Variants in FAM107B observed in about 807,000 individuals in gnomAD.
FAM107B encodes the protein protein FAM107B.
Under a neutral mutation model 31.5 loss-of-function variants are expected in FAM107B, and 21 were observed. The ratio of observed to expected loss-of-function variants is 0.67; its 90% CI spans 0.47 to 0.96. The LOEUF (loss-of-function observed/expected upper bound fraction) is 0.96, where lower values mean the gene tolerates loss of function less well. FAM107B is among the 40% of genes least tolerant of loss of function. FAM107B has a pLI of 0.00. For synonymous variants in FAM107B, 157 were observed against 141.5 expected, an observed-to-expected ratio of 1.11 and a Z score of -0.78; for missense variants, 452 against 377.1, an observed-to-expected ratio of 1.20 and a Z score of -1.64.
At chr10:14,542,178 G>A (rs143579070) in intron 2 of FAM107B, among the ~76,000 whole-genome samples, 401 of 151,012 alleles carry the variant, frequency 2.7e-3, no homozygotes, top group African/African-American at 9.0e-3. Flanking sequence ...GCTGAGGCAC[G>A]AGAATCGCTT....
At chr10:14,651,448 A>G (rs1240930151) in intron 2 of FAM107B, among the ~76,000 whole-genome samples, 2 of 152,162 alleles carry the variant, frequency 1.3e-5, no homozygotes, top group South Asian at 2.1e-4. Context: ...ACTACTAAAA[A>G]TACAAAATGA....
intron 2 of FAM107B, among the ~76,000 whole-genome samples, chr10:14,586,769 C>T (rs1015533147): frequency 6.6e-6 from 1 of 152,166 alleles, no homozygotes; most frequent in Non-Finnish European, 1.5e-5. Flanking sequence ...GACAGCCATA[C>T]CTTTGAGCCC....
chr10:14,585,847 T>C (rs1409390), intron 2 of FAM107B, among the ~76,000 whole-genome samples: 23,502 of 152,096 alleles, frequency 0.15, 2,151 homozygotes, highest in East Asian at 0.26. Flanking sequence ...ACCATATTAA[T>C]TGTCGACCAC....
intron 1 of FAM107B, among the ~76,000 whole-genome samples, chr10:14,772,362 A>AAAAATATATATAT (rs10651238): frequency 3.4e-5 from 5 of 145,640 alleles, no homozygotes; most frequent in African/African-American, 1.3e-4. Context: ...TTAAAAAAAA[A>AAAAATATATATAT]ATATATATAT....
intron 2 of FAM107B, among the ~76,000 whole-genome samples, chr10:14,603,461 G>C (rs962966232): frequency 6.6e-6 from 1 of 152,172 alleles, no homozygotes; most frequent in African/African-American, 2.4e-5. Context: ...GAAGGAAGCA[G>C]GCTTGGTACC....
intron 2 of FAM107B, among the ~76,000 whole-genome samples, chr10:14,587,221 T>G (rs1851874696): frequency 1.3e-5 from 2 of 152,188 alleles, no homozygotes; most frequent in Non-Finnish European, 2.9e-5. Context: ...TTCATCGTCC[T>G]TCTAATGCGC....
At chr10:14,587,889 T>C (rs771892194) in intron 2 of FAM107B, among the ~76,000 whole-genome samples, 1 of 152,088 alleles carries the variant, frequency 6.6e-6, no homozygotes, top group Non-Finnish European at 1.5e-5. Flanking sequence ...GAGGGTTAGG[T>C]GTTCTCCACA....
intron 2 of FAM107B, among the ~76,000 whole-genome samples, chr10:14,559,070 C>T (rs1397354535): frequency 6.8e-6 from 1 of 147,072 alleles, no homozygotes; most frequent in East Asian, 2.0e-4. Flanking sequence ...TCAACCACGG[C>T]TCACACATCA....
At chr10:14,592,195 C>G (rs1357086424) in intron 2 of FAM107B, among the ~76,000 whole-genome samples, 1 of 152,180 alleles carries the variant, frequency 6.6e-6, no homozygotes, top group Non-Finnish European at 1.5e-5. Context: ...GGGCCCAGCA[C>G]AGAAACTAGG....
At chr10:14,724,189 T>A in intron 1 of FAM107B, 1 of 426,462 alleles carries the variant, frequency 2.3e-6, no homozygotes. Context: ...AGCTCTAATA[T>A]TTGTGTCTTA....
intron 1 of FAM107B, among the ~76,000 whole-genome samples, chr10:14,761,653 G>A (rs907245442): frequency 2.0e-5 from 3 of 152,000 alleles, no homozygotes; most frequent in Admixed American, 2.0e-4. Context: ...AGGCTGGAGT[G>A]CAGTGGTGCG....
At chr10:14,709,160 C>T (rs548498233) in intron 1 of FAM107B, among the ~76,000 whole-genome samples, 3 of 152,308 alleles carry the variant, frequency 2.0e-5, no homozygotes, top group South Asian at 2.1e-4. Context: ...GCTAAACATA[C>T]TCTTACCATA....
chr10:14,713,396 G>C (rs1855707103), intron 1 of FAM107B, among the ~76,000 whole-genome samples: 1 of 152,200 alleles, frequency 6.6e-6, no homozygotes, highest in South Asian at 2.1e-4. Context: ...GATTCAAGGA[G>C]AGGGAATGTC....
At chr10:14,546,138 G>C (rs186419066) in intron 2 of FAM107B, among the ~76,000 whole-genome samples, 3 of 152,358 alleles carry the variant, frequency 2.0e-5, no homozygotes. Flanking sequence ...AAGGAACACA[G>C]AGACCAGGTG....
chr10:14,773,081 T>A (rs1386268765), intron 1 of FAM107B, among the ~76,000 whole-genome samples: 1 of 152,134 alleles, frequency 6.6e-6, no homozygotes, highest in Non-Finnish European at 1.5e-5. Flanking sequence ...TGGTTTTTGC[T>A]GGTTGGTTAT....
intron 2 of FAM107B, among the ~76,000 whole-genome samples, chr10:14,551,131 G>A (rs1849223204): frequency 6.6e-6 from 1 of 152,196 alleles, no homozygotes; most frequent in African/African-American, 2.4e-5. Context: ...GCAACTCAGA[G>A]TTGAAAGAAC....
At chr10:14,570,651 A>C (rs1210757578) in intron 2 of FAM107B, among the ~76,000 whole-genome samples, 4 of 151,990 alleles carry the variant, frequency 2.6e-5, no homozygotes, top group Non-Finnish European at 5.9e-5. Context: ...AAAATACAAA[A>C]ATCAGCTGGG....
intron 2 of FAM107B, among the ~76,000 whole-genome samples, chr10:14,599,117 C>G (rs1481875150): frequency 6.6e-6 from 1 of 152,204 alleles, no homozygotes; most frequent in Admixed American, 6.5e-5. Flanking sequence ...ACCTCATGCA[C>G]CTAAACCTGC....
intron 1 of FAM107B, among the ~76,000 whole-genome samples, chr10:14,678,435 C>T (rs1317374285): frequency 1.3e-5 from 2 of 152,186 alleles, no homozygotes; most frequent in Admixed American, 6.5e-5. Flanking sequence ...TAAGTCACTA[C>T]ACATTGACCG....
Sources: gnomAD v4.1 joint callset for allele counts (sites outside exome capture counted in the v4.1 genomes callset) on GRCh38, gnomAD v4.1.1 for gene constraint, MANE v1.5 for transcripts, NCBI Gene and HGNC (gene_info 2026-07-23, HGNC 2026-07-21) for gene names.